Variants in SCHIP1 observed in about 807,000 individuals in gnomAD.
SCHIP1 encodes schwannomin interacting protein 1.
Under a neutral mutation model 29.7 loss-of-function variants are expected in SCHIP1, and 8 were observed. The observed-to-expected ratio is 0.27, with a 90% CI of 0.16 to 0.49. The LOEUF is 0.49. Ranked by LOEUF, SCHIP1 falls within the 20% of genes least tolerant of loss-of-function variation. SCHIP1 has a pLI of 0.99. For missense variants in SCHIP1, 193 were observed against 294.6 expected (o/e 0.66, Z 2.52); for synonymous variants, 76 against 94.9 (o/e 0.80, Z 1.16).
At chr3:159,854,185 A>G (rs1161642085) in intron 1 of SCHIP1, among the ~76,000 whole-genome samples, 1 of 152,230 alleles carries the variant, frequency 6.6e-6, no homozygotes, top group Admixed American at 6.5e-5. Flanking sequence ...ATGGGCCTGG[A>G]AATGAAGACC....
chr3:159,497,669 A>G, the SCHIP1 span, among the ~76,000 whole-genome samples: 3 of 151,708 alleles, frequency 2.0e-5, no homozygotes, highest in African/African-American at 7.3e-5. Context: ...GAAGGGTGAG[A>G]GGGAGGGAAG....
At chr3:159,621,631 A>G in the SCHIP1 span, among the ~76,000 whole-genome samples, 1 of 151,322 alleles carries the variant, frequency 6.6e-6, no homozygotes, top group African/African-American at 2.4e-5. Context: ...ATGGGTGTGC[A>G]TGTGTGTGTG....
At chr3:159,522,704 A>G in the SCHIP1 span, among the ~76,000 whole-genome samples, 1 of 152,176 alleles carries the variant, frequency 6.6e-6, no homozygotes, top group African/African-American at 2.4e-5. Flanking sequence ...CTGTGTCTCT[A>G]TTAAAAATAC....
At chr3:159,704,908 A>ATTTCTTTC in the SCHIP1 span, among the ~76,000 whole-genome samples, 6 of 42,558 alleles carry the variant, frequency 1.4e-4, no homozygotes, top group African/African-American at 2.6e-4. Flanking sequence ...TTCTTTCTTT[A>ATTTCTTTC]TTTCTTTCTT....
the SCHIP1 span, among the ~76,000 whole-genome samples, chr3:159,510,624 G>A: frequency 6.6e-6 from 1 of 152,106 alleles, no homozygotes. Flanking sequence ...CTTTGATGAT[G>A]GTGACATACA....
At chr3:159,308,987 G>A in the SCHIP1 span, 3 of 152,020 alleles carry the variant, frequency 2.0e-5, no homozygotes, top group Non-Finnish European at 4.4e-5. Flanking sequence ...ACATAAATAT[G>A]GGAACAATAG....
At chr3:159,868,743 A>G (rs1233191655) in intron 2 of SCHIP1, among the ~76,000 whole-genome samples, 2 of 152,112 alleles carry the variant, frequency 1.3e-5, no homozygotes, top group Non-Finnish European at 2.9e-5. Flanking sequence ...CTTGTAAACA[A>G]TGCTACGTAT....
At chr3:159,887,680 G>C (rs1244683772) in intron 3 of SCHIP1, 28 bp from the exon 5 acceptor site, 1 of 1,613,200 alleles carries the variant, frequency 6.2e-7, no homozygotes, top group South Asian at 1.1e-5. Context: ...TGCATGGAAG[G>C]CTCAGGCTGC....
At chr3:159,676,418 A>G in the SCHIP1 span, among the ~76,000 whole-genome samples, 334 of 152,310 alleles carry the variant, frequency 2.2e-3, 1 homozygote, top group African/African-American at 7.5e-3. Context: ...AAAAATGTCT[A>G]TTTCACTGTC....
chr3:159,276,430 G>A, the SCHIP1 span, among the ~76,000 whole-genome samples: 1 of 152,146 alleles, frequency 6.6e-6, no homozygotes, highest in Non-Finnish European at 1.5e-5. Context: ...GGACATTAGA[G>A]GCTCAAGAGA....
At chr3:159,803,394 T>TG in the SCHIP1 span, among the ~76,000 whole-genome samples, 1 of 152,210 alleles carries the variant, frequency 6.6e-6, no homozygotes, top group Non-Finnish European at 1.5e-5. Flanking sequence ...AACAGACGTG[T>TG]GGGTGTAAGT....
chr3:159,612,473 G>C, the SCHIP1 span, among the ~76,000 whole-genome samples: 1,110 of 152,248 alleles, frequency 7.3e-3, 15 homozygotes, highest in African/African-American at 0.025. Context: ...TCGGACATGC[G>C]CGGTGGCTCA....
chr3:159,613,226 C>T, the SCHIP1 span, among the ~76,000 whole-genome samples: 3 of 152,156 alleles, frequency 2.0e-5, no homozygotes, highest in East Asian at 5.8e-4. Context: ...ATATGAGAGA[C>T]ACCCTTGAAT....
chr3:159,759,277 C>G, the SCHIP1 span, among the ~76,000 whole-genome samples: 2 of 152,246 alleles, frequency 1.3e-5, no homozygotes, highest in South Asian at 4.2e-4. Flanking sequence ...TTAAGATTAA[C>G]CCATTGGCTC....
the SCHIP1 span, among the ~76,000 whole-genome samples, chr3:159,644,672 T>C: frequency 6.6e-6 from 1 of 152,170 alleles, no homozygotes; most frequent in Non-Finnish European, 1.5e-5. Flanking sequence ...CAACTCTGCA[T>C]ATTGAATAAT....
the SCHIP1 span, among the ~76,000 whole-genome samples, chr3:159,504,399 G>T: frequency 6.6e-6 from 1 of 152,110 alleles, no homozygotes; most frequent in Non-Finnish European, 1.5e-5. Flanking sequence ...GATCATGGTG[G>T]TTGCTGAAAA....
chr3:159,577,398 C>G, the SCHIP1 span, among the ~76,000 whole-genome samples: 1 of 152,142 alleles, frequency 6.6e-6, no homozygotes, highest in Non-Finnish European at 1.5e-5. Context: ...TCTGAGCACC[C>G]AAATGTGTTC....
the SCHIP1 span, among the ~76,000 whole-genome samples, chr3:159,562,144 T>C: frequency 2.0e-5 from 3 of 152,314 alleles, no homozygotes; most frequent in African/African-American, 7.2e-5. Context: ...GAACCAACCC[T>C]AAATTCTCTC....
At chr3:159,552,789 T>C in the SCHIP1 span, among the ~76,000 whole-genome samples, 2 of 152,306 alleles carry the variant, frequency 1.3e-5, no homozygotes, top group South Asian at 4.1e-4. Flanking sequence ...ATATCTACAA[T>C]CAAAGCCGAG....
Sources: gnomAD v4.1 joint callset for allele counts (sites outside exome capture counted in the v4.1 genomes callset) on GRCh38, gnomAD v4.1.1 for gene constraint, MANE v1.5 for transcripts, NCBI Gene and HGNC (gene_info 2026-07-23, HGNC 2026-07-21) for gene names.